TMEM108: variants seen among roughly 807,000 people sequenced by gnomAD.
TMEM108 encodes the protein transmembrane protein 108.
In TMEM108, 12 loss-of-function variants were observed where a neutral mutation model predicts 35.1. That is an observed-to-expected ratio of 0.34 (90% CI 0.22 to 0.55). The LOEUF (loss-of-function observed/expected upper bound fraction) is 0.55. TMEM108 is among the 20% of genes least tolerant of loss of function. The pLI, the probability that TMEM108 is intolerant of heterozygous loss-of-function variation, is 0.89. For missense variants in TMEM108, 680 were observed against 753.3 expected (o/e 0.90, Z 1.14); for synonymous variants, 287 against 308.6 (o/e 0.93, Z 0.73).
chr3:133,111,068 G>A (rs918622319), intron 2 of TMEM108, among the ~76,000 whole-genome samples: 6 of 152,170 alleles, frequency 3.9e-5, no homozygotes, highest in African/African-American at 1.2e-4. Flanking sequence ...GGCCATAGAT[G>A]TGTGCTCATA....
At chr3:133,267,159 T>C (rs1946710941) in intron 3 of TMEM108, among the ~76,000 whole-genome samples, 1 of 152,062 alleles carries the variant, frequency 6.6e-6, no homozygotes, top group South Asian at 2.1e-4. Context: ...ATTGACTCGT[T>C]CATTTATTTA....
chr3:133,152,547 C>T (rs1245485969), intron 2 of TMEM108, among the ~76,000 whole-genome samples: 12 of 152,244 alleles, frequency 7.9e-5, no homozygotes, highest in African/African-American at 2.6e-4. Flanking sequence ...GCCTTTGTCA[C>T]ATGACCCCTG....
intron 3 of TMEM108, chr3:133,257,128 G>T (rs138739537): frequency 2.0e-4 from 30 of 152,270 alleles, no homozygotes; most frequent in South Asian, 1.0e-3. Context: ...ATTTGAGATT[G>T]TCTCTTAATA....
chr3:133,078,510 T>C (rs1576307044), intron 2 of TMEM108, among the ~76,000 whole-genome samples: 2 of 151,964 alleles, frequency 1.3e-5, no homozygotes, highest in African/African-American at 4.8e-5. Context: ...CTTGGAGGGG[T>C]CCAAGAAAAA....
At chr3:133,321,878 C>G (rs2071271904) in intron 3 of TMEM108, among the ~76,000 whole-genome samples, 1 of 152,048 alleles carries the variant, frequency 6.6e-6, no homozygotes, top group South Asian at 2.1e-4. Context: ...CAAATGGAAC[C>G]CTCAAAACTA....
chr3:133,294,970 A>C (rs559168923), intron 3 of TMEM108, among the ~76,000 whole-genome samples: 111 of 152,304 alleles, frequency 7.3e-4, no homozygotes, highest in African/African-American at 2.6e-3. Context: ...TACAGTGGAG[A>C]AAAGTACTTG....
In TMEM108 at chr3:133,251,305, T is replaced by C. The variant is rs371429977; in HGVS notation, c.40+21954T>C. Among the ~76,000 whole-genome samples the C allele has an allele frequency of 1.4e-4, 21 of 152,242 alleles. 1 individual carries two copies. The South Asian group carries it at 4.2e-3, about 30-fold the overall frequency. On this transcript the variant is annotated intron_variant, in intron 3 of 5. Transcript: ENST00000321871. ...AAGGATGGCTTTAAAAGATTATCCT[T>C]CTCCAAATCAAATTGTTATGGACAT...
chr3:133,342,969 C>A (rs2071711029), intron 3 of TMEM108, among the ~76,000 whole-genome samples: 1 of 151,578 alleles, frequency 6.6e-6, no homozygotes, highest in Non-Finnish European at 1.5e-5. Flanking sequence ...TATGGCAATA[C>A]CCTGATTTGG....
intron 2 of TMEM108, among the ~76,000 whole-genome samples, chr3:133,143,244 A>G (rs960260707): frequency 6.6e-6 from 1 of 152,316 alleles, no homozygotes; most frequent in Non-Finnish European, 1.5e-5. Flanking sequence ...TGGAATTAAT[A>G]TCACATAAAT....
At chr3:133,126,375 G>A (rs1368199546) in intron 2 of TMEM108, among the ~76,000 whole-genome samples, 1 of 151,870 alleles carries the variant, frequency 6.6e-6, no homozygotes, top group African/African-American at 2.4e-5. Flanking sequence ...GCTGAGGCAG[G>A]AGAATCATTT....
At chr3:133,089,511 C>T (rs1943923454) in intron 2 of TMEM108, among the ~76,000 whole-genome samples, 1 of 152,128 alleles carries the variant, frequency 6.6e-6, no homozygotes, top group South Asian at 2.1e-4. Flanking sequence ...GCCTCATGGA[C>T]TCATGTGGTG....
At chr3:133,383,758 G>A (rs138119318) in intron 4 of TMEM108, among the ~76,000 whole-genome samples, 9 of 152,302 alleles carry the variant, frequency 5.9e-5, no homozygotes, top group African/African-American at 2.2e-4. Flanking sequence ...TCAGGTGCTG[G>A]AGATGGAACA....
At chr3:133,365,937 G>T (rs1576507004) in intron 3 of TMEM108, among the ~76,000 whole-genome samples, 2 of 151,418 alleles carry the variant, frequency 1.3e-5, no homozygotes, top group Non-Finnish European at 2.9e-5. Flanking sequence ...TTTGCAGCTG[G>T]CAGAGTCTGC....
intron 3 of TMEM108, chr3:133,256,919 G>A (rs1442716706): frequency 2.0e-5 from 3 of 152,190 alleles, no homozygotes; most frequent in Admixed American, 1.3e-4. Context: ...GTATGAGAAA[G>A]TAAAATTACT....
chr3:133,367,126 A>C (rs2072522595), intron 3 of TMEM108, among the ~76,000 whole-genome samples: 1 of 152,214 alleles, frequency 6.6e-6, no homozygotes, highest in Non-Finnish European at 1.5e-5. Flanking sequence ...AGAGGTTTAG[A>C]TGTTTCCCAT....
At chr3:133,264,401 C>T (rs1228645567) in intron 3 of TMEM108, among the ~76,000 whole-genome samples, 1 of 152,136 alleles carries the variant, frequency 6.6e-6, no homozygotes, top group Non-Finnish European at 1.5e-5. Flanking sequence ...GTCCAGATTG[C>T]TCATGAGCAG....
intron 2 of TMEM108, among the ~76,000 whole-genome samples, chr3:133,048,047 T>C (rs898195197): frequency 3.3e-5 from 5 of 152,180 alleles, no homozygotes; most frequent in Non-Finnish European, 7.3e-5. Context: ...CTTCATGTTC[T>C]GGTTCATTGT....
intron 2 of TMEM108, among the ~76,000 whole-genome samples, chr3:133,072,870 C>G (rs1943692982): frequency 6.6e-6 from 1 of 152,064 alleles, no homozygotes; most frequent in Admixed American, 6.6e-5. Flanking sequence ...TCTGGATTTG[C>G]TTATTCTGGA....
chr3:133,389,510 C>T (rs1232275354), intron 4 of TMEM108: 40 of 494,346 alleles, frequency 8.1e-5, no homozygotes, highest in Non-Finnish European at 1.0e-4. Context: ...ATGGCAAAAC[C>T]CTGTCTCTAC....
Sources: allele counts gnomAD v4.1 joint callset (sites outside exome capture counted in the v4.1 genomes callset), GRCh38; gene constraint gnomAD v4.1.1; transcripts MANE v1.5; gene names NCBI Gene and HGNC (gene_info 2026-07-23, HGNC 2026-07-21).